The following FMN2 variants were observed in gnomAD, a reference collection of about 807,000 sequenced individuals.
The protein encoded by FMN2 is formin 2, also known as formin-2.
Under a neutral mutation model 142.3 loss-of-function variants are expected in FMN2, and 51 were observed. The ratio of observed to expected loss-of-function variants is 0.36; its 90% CI spans 0.29 to 0.45. FMN2 has a LOEUF of 0.45. FMN2 is among the 20% of genes least tolerant of loss of function. The probability of loss-of-function intolerance (pLI) is 1.00; values close to 1 mark genes in which losing one functional copy is unlikely to be tolerated. For synonymous variants in FMN2, 882 were observed against 869.8 expected (o/e 1.01, Z -0.25); for missense variants, 1,936 against 2,122.8 (o/e 0.91, Z 1.73).
rs903288486 is a variant in FMN2, at chr1:240,438,133, C to A, written c.4983C>A (p.Phe1661Leu). The change falls in exon 16 of 18, where the codon TTC becomes TTA. Residue 1661 changes from phenylalanine to leucine, a missense_variant. By Grantham distance (22) the Phe-to-Leu change is conservative. Around this residue, in one of 8 missense-constraint regions of FMN2, gnomAD observed 322 missense variants for 401.6 expected, o/e 0.80. Coordinates refer to ENST00000319653, the MANE Select transcript of FMN2 (RefSeq NM_020066.5). ...LGEKEVSPNA[F>L]FSIWHEFSSD... ...AGAAGGAGGTGTCCCCAAATGCTTT[C>A]TTCAGTATCTGGCATGAATTCAGCT... 2 of 1,614,146 alleles carry A rather than the reference C, an allele frequency of 1.2e-6. No individual in the cohort carries two copies. The highest frequency in any genetic ancestry group is 1.7e-6 in the Non-Finnish European group (2 of 1,180,004).
At chr1:240,148,028 GA>G in intron 2 of FMN2, among the ~76,000 whole-genome samples, 2 of 152,340 alleles carry the variant, frequency 1.3e-5, no homozygotes, top group South Asian at 4.1e-4. Context: ...GAATTCTCAA[GA>G]GTTACAGCTC....
chr1:240,097,899 T>C (rs1661271328), intron 1 of FMN2, among the ~76,000 whole-genome samples: 1 of 152,076 alleles, frequency 6.6e-6, no homozygotes, highest in African/African-American at 2.4e-5. Context: ...GTAAAGTAAC[T>C]TCTTGTCTAA....
chr1:240,250,043 T>A (rs1668224917), intron 6 of FMN2, among the ~76,000 whole-genome samples: 1 of 152,172 alleles, frequency 6.6e-6, no homozygotes. Context: ...AGAAACAGTT[T>A]GACTTCCTGT....
intron 13 of FMN2, among the ~76,000 whole-genome samples, chr1:240,354,390 G>A (rs1232138848): frequency 6.6e-6 from 1 of 152,182 alleles, no homozygotes; most frequent in Non-Finnish European, 1.5e-5. Flanking sequence ...TCAGGTGGTG[G>A]CACCACCAAT....
intron 14 of FMN2, among the ~76,000 whole-genome samples, chr1:240,381,136 G>C (rs1673212214): frequency 6.6e-6 from 1 of 152,040 alleles, no homozygotes; most frequent in African/African-American, 2.4e-5. Flanking sequence ...TCAAGGAGGA[G>C]GTGTTCCTTT....
intron 14 of FMN2, among the ~76,000 whole-genome samples, chr1:240,385,543 TGA>T (rs1480380319): frequency 6.6e-6 from 1 of 152,206 alleles, no homozygotes; most frequent in Non-Finnish European, 1.5e-5. Context: ...AAATTTAGTT[TGA>T]GTTAGCAATT....
At position 240,461,603 on chromosome 1, in the gene FMN2, C is replaced by A. The variant is rs568231283; in HGVS notation, c.5061-10769C>A. On this transcript the variant is annotated intron_variant, in intron 16 of 17. Transcript: ENST00000319653. Reference sequence around the variant, plus strand: ...GTCATCTATTCAAATCTACTTTCCACTGTAGGAATATCATTTTCATAGTAA... The same window carrying A: ...GTCATCTATTCAAATCTACTTTCCAATGTAGGAATATCATTTTCATAGTAA... Among the ~76,000 whole-genome samples the A allele has an allele frequency of 3.9e-5, 6 of 152,314 alleles. No individual in the cohort carries two copies. The East Asian group carries it at 1.2e-3, about 29-fold the overall frequency.
chr1:240,118,569 G>A (rs555167895), intron 1 of FMN2, among the ~76,000 whole-genome samples: 2 of 152,298 alleles, frequency 1.3e-5, no homozygotes, highest in South Asian at 4.1e-4. Flanking sequence ...CTCTGAGGGT[G>A]ATGGGAACCC....
chr1:240,228,323 A>G (rs868255564), intron 6 of FMN2, among the ~76,000 whole-genome samples: 29 of 92,992 alleles, frequency 3.1e-4, no homozygotes, highest in African/African-American at 1.4e-3. Flanking sequence ...AAAAAAAAAA[A>G]AAAAAAAAAG....
chr1:240,421,619 G>A (rs962275984), intron 15 of FMN2, among the ~76,000 whole-genome samples: 3 of 152,096 alleles, frequency 2.0e-5, no homozygotes, highest in Non-Finnish European at 4.4e-5. Flanking sequence ...TTGTTTTGTG[G>A]GGGGTGTGGG....
intron 3 of FMN2, chr1:240,180,049 T>C: frequency 2.4e-6 from 1 of 419,398 alleles, no homozygotes; most frequent in Non-Finnish European, 4.1e-6. Flanking sequence ...TAGTTGGAAT[T>C]GATACCAGGA....
At chr1:240,245,626 T>C in intron 6 of FMN2, 1 of 470,870 alleles carries the variant, frequency 2.1e-6, no homozygotes, top group East Asian at 7.0e-5. Context: ...GCACAATGCC[T>C]GATGTGTAGT....
chr1:240,419,549 C>T (rs772864636), intron 15 of FMN2, among the ~76,000 whole-genome samples: 3 of 152,048 alleles, frequency 2.0e-5, no homozygotes, highest in Non-Finnish European at 2.9e-5. Context: ...TGTAAGCTCC[C>T]GCAGTAATGG....
At chr1:240,149,231 G>A (rs1195021998) in intron 2 of FMN2, among the ~76,000 whole-genome samples, 1 of 152,128 alleles carries the variant, frequency 6.6e-6, no homozygotes, top group African/African-American at 2.4e-5. Context: ...AATCTTGTCT[G>A]TAAGGTTTAT....
chr1:240,126,926 T>A (rs1571955919), intron 2 of FMN2, among the ~76,000 whole-genome samples: 1 of 150,520 alleles, frequency 6.6e-6, no homozygotes, highest in South Asian at 2.1e-4. Context: ...GGCGTGGGGG[T>A]AGGATGAGCG....
At chr1:240,416,910 A>G (rs1056861638) in intron 15 of FMN2, among the ~76,000 whole-genome samples, 4 of 151,938 alleles carry the variant, frequency 2.6e-5, no homozygotes, top group Non-Finnish European at 5.9e-5. Flanking sequence ...TTAAAATCAT[A>G]TACTCAGAGC....
chr1:240,469,247 C>T (rs980595288), intron 16 of FMN2, among the ~76,000 whole-genome samples: 1 of 152,078 alleles, frequency 6.6e-6, no homozygotes, highest in African/African-American at 2.4e-5. Flanking sequence ...CTGAAAGCAT[C>T]CTAGAGTGAC....
At chr1:240,137,935 C>G (rs1345343914) in intron 2 of FMN2, among the ~76,000 whole-genome samples, 1 of 151,528 alleles carries the variant, frequency 6.6e-6, no homozygotes, top group Admixed American at 6.6e-5. Context: ...ACTACAAATA[C>G]AAAAATTAGC....
chr1:240,274,903 G>C lies in FMN2; in HGVS notation c.4153+16871G>C, dbSNP rs540043433. Among the ~76,000 whole-genome samples the C allele has an allele frequency of 1.3e-4, 20 of 152,212 alleles. No individual in the cohort carries two copies. The South Asian group carries it at 4.1e-3, about 32-fold the overall frequency. ...GGAAAACTGCAGAAAGAGCAGGTTT[G>C]GGAGCGGAAGATCAGCAATTCCAGG... is the stretch of plus-strand genomic sequence containing the variant. On this transcript the variant is annotated intron_variant, in intron 7 of 17. Transcript: ENST00000319653.
Sources: allele counts gnomAD v4.1 joint callset (sites outside exome capture counted in the v4.1 genomes callset), GRCh38; gene constraint gnomAD v4.1.1; regional missense constraint gnomAD v4.1.1; transcripts MANE v1.5; gene names NCBI Gene and HGNC (gene_info 2026-07-23, HGNC 2026-07-21).